SPMIP2: variants seen among roughly 807,000 people sequenced by gnomAD.
SPMIP2 encodes sperm microtubule inner protein 2.
chr4:159,054,050 T>C, the SPMIP2 span, among the ~76,000 whole-genome samples: 6 of 152,222 alleles, frequency 3.9e-5, no homozygotes, highest in Non-Finnish European at 7.3e-5. Flanking sequence ...CGTCACTCAC[T>C]GCAGTCTCCT....
chr4:158,948,879 C>T, the SPMIP2 span, among the ~76,000 whole-genome samples: 18 of 152,176 alleles, frequency 1.2e-4, no homozygotes, highest in African/African-American at 4.3e-4. Context: ...TCTAGAATTA[C>T]AGGCAAGAGC....
At chr4:158,906,697 A>G in the SPMIP2 span, 4 of 152,124 alleles carry the variant, frequency 2.6e-5, no homozygotes, top group South Asian at 2.1e-4. Context: ...CCTCATATCT[A>G]TTGCCTACAA....
At chr4:159,035,231 A>T in the SPMIP2 span, 1 of 644,954 alleles carries the variant, frequency 1.6e-6, no homozygotes. Context: ...GTTGCTAATG[A>T]CTCTTTATGA....
chr4:158,893,510 A>G, the SPMIP2 span: 14 of 545,676 alleles, frequency 2.6e-5, no homozygotes, highest in Non-Finnish European at 4.0e-5. Flanking sequence ...AACAATATTA[A>G]TGGTTGCAAA....
At chr4:158,925,693 A>G in the SPMIP2 span, among the ~76,000 whole-genome samples, 3 of 152,222 alleles carry the variant, frequency 2.0e-5, no homozygotes, top group Non-Finnish European at 2.9e-5. Flanking sequence ...TCAGGCAGTA[A>G]TGCTCTCTGG....
the SPMIP2 span, among the ~76,000 whole-genome samples, chr4:159,061,392 C>T: frequency 6.6e-6 from 1 of 151,988 alleles, no homozygotes; most frequent in Non-Finnish European, 1.5e-5. Context: ...AGACCAGGAA[C>T]ACTGTTGGCC....
the SPMIP2 span, among the ~76,000 whole-genome samples, chr4:158,973,534 T>G: frequency 0.01 from 1,532 of 152,224 alleles, 25 homozygotes; most frequent in African/African-American, 0.034. Flanking sequence ...AATAACCAAA[T>G]GAGACGGGTA....
the SPMIP2 span, among the ~76,000 whole-genome samples, chr4:159,062,029 C>T: frequency 2.0e-5 from 3 of 152,142 alleles, no homozygotes; most frequent in African/African-American, 7.2e-5. Flanking sequence ...GCCTTGTTTG[C>T]AGGAGCAATG....
At chr4:158,905,363 A>G in the SPMIP2 span, 1 of 152,186 alleles carries the variant, frequency 6.6e-6, no homozygotes, top group Non-Finnish European at 1.5e-5. Flanking sequence ...TTTTTAAGAG[A>G]GGCCACTTAC....
chr4:158,907,070 C>T, the SPMIP2 span: 2 of 152,192 alleles, frequency 1.3e-5, 1 homozygote, highest in East Asian at 3.8e-4. Context: ...CTTTTCCAAG[C>T]AAGCTAGTGA....
At chr4:159,002,659 C>A in the SPMIP2 span, among the ~76,000 whole-genome samples, 279 of 152,136 alleles carry the variant, frequency 1.8e-3, no homozygotes, top group Middle Eastern at 3.4e-3. Flanking sequence ...ATATGAAGTT[C>A]AATTGTTTTT....
At chr4:159,003,249 GAA>G in the SPMIP2 span, among the ~76,000 whole-genome samples, 1 of 152,086 alleles carries the variant, frequency 6.6e-6, no homozygotes. Context: ...ATGATGTGTA[GAA>G]AAGAGAATGG....
the SPMIP2 span, among the ~76,000 whole-genome samples, chr4:158,917,053 A>G: frequency 4.9e-4 from 75 of 152,204 alleles, no homozygotes; most frequent in African/African-American, 1.8e-3. Flanking sequence ...GATCAAGACC[A>G]TCCTGGCCAA....
At chr4:158,991,173 C>A in the SPMIP2 span, among the ~76,000 whole-genome samples, 1 of 152,098 alleles carries the variant, frequency 6.6e-6, no homozygotes, top group African/African-American at 2.4e-5. Flanking sequence ...GAGCTACTGG[C>A]CCAGGAAGAA....
the SPMIP2 span, among the ~76,000 whole-genome samples, chr4:158,961,020 T>C: frequency 0.66 from 100,125 of 151,726 alleles, 33,289 homozygotes; most frequent in South Asian, 0.8. Flanking sequence ...GGAATAAAAG[T>C]GTCAAATTTA....
At chr4:159,039,904 A>C in the SPMIP2 span, among the ~76,000 whole-genome samples, 1 of 152,242 alleles carries the variant, frequency 6.6e-6, no homozygotes, top group East Asian at 1.9e-4. Flanking sequence ...TTTGCGAAAG[A>C]ATCAAGTTAT....
the SPMIP2 span, chr4:158,915,198 T>G: frequency 6.2e-7 from 1 of 1,613,492 alleles, no homozygotes. Context: ...CTTCGGCAGC[T>G]TAGGTGGTTT....
chr4:158,998,244 T>TA, the SPMIP2 span, among the ~76,000 whole-genome samples: 1 of 152,106 alleles, frequency 6.6e-6, no homozygotes, highest in African/African-American at 2.4e-5. Flanking sequence ...TTTAGCTGTA[T>TA]AAAAAAAGGT....
the SPMIP2 span, among the ~76,000 whole-genome samples, chr4:158,973,539 C>T: frequency 5.9e-5 from 9 of 151,992 alleles, no homozygotes; most frequent in Non-Finnish European, 1.2e-4. Flanking sequence ...CCAAATGAGA[C>T]GGGTAGAATT....
Sources: allele counts gnomAD v4.1 joint callset (sites outside exome capture counted in the v4.1 genomes callset), GRCh38; gene constraint gnomAD v4.1.1; transcripts MANE v1.5; gene names NCBI Gene and HGNC (gene_info 2026-07-23, HGNC 2026-07-21).